RNF125: variants seen among roughly 807,000 people sequenced by gnomAD.
RNF125 encodes ring finger protein 125.
Under a neutral mutation model 26.0 loss-of-function variants are expected in RNF125, and 21 were observed. That is an observed-to-expected ratio of 0.81 (90% confidence interval 0.57 to 1.16). The LOEUF is 1.16. RNF125 is among the 50% of genes most tolerant of loss of function. RNF125 has a pLI of 0.00. For missense variants in RNF125, 270 were observed against 299.4 expected (o/e 0.90, Z 0.72); for synonymous variants, 95 against 109.2 (o/e 0.87, Z 0.81).
In RNF125 at chr18:32,071,624, ACTT is replaced by A. The variant is rs1460695204; in HGVS notation, c.*3244_*3246del. On this transcript the variant is annotated 3_prime_UTR_variant, in exon 6 of 6. Coordinates refer to ENST00000217740, the MANE Select transcript of RNF125 (RefSeq NM_017831.4). ...GCTTTTTAATTGTAATCATTTATAA[ACTT>A]CTTTGTTCCTTACATATAAGCATAG... is the stretch of plus-strand genomic sequence containing the variant. 6.6e-6 allele frequency: 1 copy of A among 152,184 alleles called. No homozygotes were observed. The highest frequency in any genetic ancestry group is 6.5e-5 in the Admixed American group (1 of 15,274). 9.4% of individuals were successfully genotyped at this position (152,184 alleles called of 1,614,324 possible).
rs1298519277 is a variant in RNF125, at chr18:32,072,783, T to A, written c.*4399T>A. 2 of 152,230 alleles carry A rather than the reference T, an allele frequency of 1.3e-5. No homozygotes were observed. The highest frequency in any genetic ancestry group is 2.9e-5 in the Non-Finnish European group (2 of 68,030). The allele number at this position is 152,230 out of a possible 1,614,324, so 9.4% of individuals were successfully genotyped here. ...CAGGGCCTTATTAGAGAAAAACTGA[T>A]TCACATGTTATTCTTCTAAAGCTAA... is the stretch of plus-strand genomic sequence containing the variant. On this transcript the variant is annotated 3_prime_UTR_variant, in exon 6 of 6. Transcript: ENST00000217740.
the RNF125 span, among the ~76,000 whole-genome samples, chr18:32,078,406 A>G: frequency 7.7e-6 from 1 of 129,696 alleles, no homozygotes; most frequent in African/African-American, 2.5e-5. Context: ...TTTGATTGTC[A>G]CTGTCATTAG....
rs551934318 is a variant in RNF125 at position 32,036,974 on chromosome 18, G to A, written c.165-142G>A. 75 of 660,708 alleles carry A rather than the reference G, an allele frequency of 1.1e-4. No individual in the cohort carries two copies. The South Asian group carries it at 1.5e-3, about 13-fold the overall frequency. The allele number at this position is 660,708 out of a possible 1,614,324, so 40.9% of individuals were successfully genotyped here. On this transcript the variant is annotated intron_variant, in intron 1 of 5. Coordinates refer to ENST00000217740, the MANE Select transcript of RNF125 (RefSeq NM_017831.4). ...GGTAAGCAATTCTCGGGAAGTGCAG[G>A]GTGCAAGTGGACCTGTAATTTGGTA...
intron 2 of RNF125, among the ~76,000 whole-genome samples, chr18:32,040,426 C>T (rs763486464): frequency 2.4e-4 from 36 of 152,036 alleles, no homozygotes; most frequent in South Asian, 1.3e-3. Flanking sequence ...TGCACACCAC[C>T]ACACCCGGCT....
chr18:32,068,247 T>C (rs1379255801), intron 5 of RNF125, 51 bp from the exon 6 acceptor site: 1 of 1,029,678 alleles, frequency 9.7e-7, no homozygotes, highest in Non-Finnish European at 1.5e-6. Flanking sequence ...TCCTCTAGTT[T>C]CTGAAATACT....
At chr18:32,024,245 C>A (rs1326460251) in intron 1 of RNF125, among the ~76,000 whole-genome samples, 1 of 132,816 alleles carries the variant, frequency 7.5e-6, no homozygotes, top group East Asian at 2.2e-4. Flanking sequence ...CTGTGTCACC[C>A]AGGCTGGCGT....
At chr18:32,027,147 C>T (rs1030139939) in intron 1 of RNF125, among the ~76,000 whole-genome samples, 14 of 151,584 alleles carry the variant, frequency 9.2e-5, no homozygotes, top group Admixed American at 9.2e-4. Context: ...CTCCTGGGGT[C>T]TTGTTCCCTG....
intron 3 of RNF125, among the ~76,000 whole-genome samples, chr18:32,045,127 A>C (rs182403841): frequency 6.6e-6 from 1 of 151,266 alleles, no homozygotes; most frequent in East Asian, 2.0e-4. Context: ...CCAAAAAAAA[A>C]AAATAGAAAG....
chr18:32,025,643 G>A (rs1346575460), intron 1 of RNF125, among the ~76,000 whole-genome samples: 1 of 123,114 alleles, frequency 8.1e-6, no homozygotes, highest in Non-Finnish European at 1.6e-5. Context: ...TAGCCTGGGT[G>A]ACAAGAGTGA....
At position 32,030,288 on chromosome 18, in the gene RNF125, C is replaced by T. The variant is rs368926181; in HGVS notation, c.165-6828C>T. ...GAACTCCAGACCTCAGGTGATCCGC[C>T]CGCCTCTCCCTCCCAAAGTGCTGGG... On this transcript the variant is annotated intron_variant, in intron 1 of 5. Coordinates refer to ENST00000217740, the MANE Select transcript of RNF125 (RefSeq NM_017831.4). Among the ~76,000 whole-genome samples, 14 of 152,342 alleles carry T rather than the reference C, an allele frequency of 9.2e-5. No individual in the cohort carries two copies. The East Asian group carries it at 2.5e-3, about 27-fold the overall frequency.
intron 4 of RNF125, among the ~76,000 whole-genome samples, chr18:32,059,367 G>T (rs1297715456): frequency 6.6e-6 from 1 of 152,162 alleles, no homozygotes; most frequent in Admixed American, 6.6e-5. Context: ...TTTCTCTGAT[G>T]ATCAATGATG....
intron 1 of RNF125, among the ~76,000 whole-genome samples, chr18:32,021,228 C>T (rs908165568): frequency 2.0e-5 from 3 of 152,250 alleles, no homozygotes; most frequent in South Asian, 2.1e-4. Context: ...CTACAGGTGC[C>T]GCCACCACGC....
intron 4 of RNF125, among the ~76,000 whole-genome samples, chr18:32,062,326 A>G (rs1301282614): frequency 6.6e-6 from 1 of 152,184 alleles, no homozygotes; most frequent in Non-Finnish European, 1.5e-5. Context: ...CCACACTACA[A>G]ATATTAATAG....
At chr18:32,086,721 G>C in the RNF125 span, among the ~76,000 whole-genome samples, 1 of 152,042 alleles carries the variant, frequency 6.6e-6, no homozygotes, top group African/African-American at 2.4e-5. Flanking sequence ...GTTTCTCCGT[G>C]TTGGTCAGGC....
intron 1 of RNF125, among the ~76,000 whole-genome samples, chr18:32,028,322 AAAAT>A (rs1346771355): frequency 2.0e-5 from 3 of 148,956 alleles, no homozygotes; most frequent in Non-Finnish European, 4.5e-5. Flanking sequence ...AAAAAAAAAA[AAAAT>A]AATAGGTAGT....
intron 1 of RNF125, among the ~76,000 whole-genome samples, chr18:32,029,660 G>T (rs865898136): frequency 1.3e-5 from 2 of 151,862 alleles, no homozygotes; most frequent in African/African-American, 2.4e-5. Flanking sequence ...AATACTCAAA[G>T]ACATTTGTTG....
chr18:32,041,977 CTTCTA>C lies in RNF125; in HGVS notation c.319-201_319-197del, dbSNP rs2039224851. 2.1e-5 allele frequency: 11 copies of C among 530,740 alleles called. No individual in the cohort carries two copies. In the South Asian group the frequency reaches 2.2e-4, roughly 10 times the overall value. The allele number at this position is 530,740 out of a possible 1,614,324, so 32.9% of individuals were successfully genotyped here. On this transcript the variant is annotated intron_variant, in intron 2 of 5. Transcript: ENST00000217740. Reference sequence around the variant, plus strand: ...AAATTCAAGAACTTAACAGTTGGATCTTCTAAGTATCGGAGAATTTGAAAAATAGT... The same window carrying C: ...AAATTCAAGAACTTAACAGTTGGATCAGTATCGGAGAATTTGAAAAATAGT...
intron 1 of RNF125, among the ~76,000 whole-genome samples, chr18:32,035,592 A>G (rs954523402): frequency 6.6e-6 from 1 of 152,210 alleles, no homozygotes; most frequent in African/African-American, 2.4e-5. Context: ...GACAATCTCA[A>G]CTATATACAA....
chr18:32,046,931 C>T (rs1201135564), intron 4 of RNF125, among the ~76,000 whole-genome samples: 1 of 152,136 alleles, frequency 6.6e-6, no homozygotes, highest in East Asian at 1.9e-4. Context: ...TACAGTGGCG[C>T]CATCTCGGCT....
Sources: allele counts gnomAD v4.1 joint callset (sites outside exome capture counted in the v4.1 genomes callset), GRCh38; gene constraint gnomAD v4.1.1; transcripts MANE v1.5; gene names NCBI Gene and HGNC (gene_info 2026-07-23, HGNC 2026-07-21).